The following FAT4 variants were observed in gnomAD, a reference collection of about 807,000 sequenced individuals.
FAT4 encodes the protein FAT atypical cadherin 4.
A neutral mutation model predicts 303.9 loss-of-function variants in FAT4; 84 were observed. The observed-to-expected ratio is 0.28, with a 90% confidence interval of 0.23 to 0.33. The LOEUF (loss-of-function observed/expected upper bound fraction) is 0.33, where lower values mean the gene tolerates loss of function less well. FAT4 is among the 10% of genes least tolerant of loss of function. The probability of loss-of-function intolerance (pLI) is 1.00; values close to 1 mark genes in which losing one functional copy is unlikely to be tolerated. For synonymous variants in FAT4, 2,307 were observed against 2,298.8 expected, an observed-to-expected ratio of 1.00 and a Z score of -0.10; for missense variants, 6,005 against 6,146.8, an observed-to-expected ratio of 0.98 and a Z score of 0.77.
In FAT4 at chr4:125,450,472, T is replaced by C; in HGVS notation, c.9462T>C (p.Leu3154=). The C allele has an allele frequency of 6.2e-7, 1 of 1,614,118 alleles. No individual in the cohort carries two copies. The highest frequency in any genetic ancestry group is 8.5e-7 in the Non-Finnish European group (1 of 1,180,000). ...STGILTLAKA[L]DYELCQKHEM... is the part of the protein sequence containing the mutation. ...GTATATTAACACTAGCCAAAGCTCT[T>C]GATTATGAGCTATGCCAGAAACACG... is the stretch of plus-strand genomic sequence containing the variant. Residue 3154 remains leucine (L), a synonymous_variant, in exon 10 of 18, where the codon CTT becomes CTC. Coordinates refer to ENST00000394329, the MANE Select transcript of FAT4 (RefSeq NM_001291303.3).
At chr4:125,486,274 T>TA (rs1222594061) in intron 16 of FAT4, among the ~76,000 whole-genome samples, 1 of 151,974 alleles carries the variant, frequency 6.6e-6, no homozygotes, top group African/African-American at 2.4e-5. Context: ...TTTTTTTTTT[T>TA]AGTTTGGTAC....
intron 5 of FAT4, among the ~76,000 whole-genome samples, chr4:125,410,793 A>C (rs1734810082): frequency 6.6e-6 from 1 of 152,152 alleles, no homozygotes; most frequent in South Asian, 2.1e-4. Flanking sequence ...TAAGCACAGA[A>C]ATACATTGAC....
intron 2 of FAT4, among the ~76,000 whole-genome samples, chr4:125,367,949 C>T (rs1048105063): frequency 5.9e-5 from 9 of 152,248 alleles, no homozygotes; most frequent in Non-Finnish European, 1.2e-4. Context: ...AGGGAAAAGG[C>T]AATTTCCTAC....
rs772779154 is a variant in FAT4, at chr4:125,489,996, C to A, written c.13180C>A (p.Pro4394Thr). Residue 4394 changes from proline to threonine, a missense_variant, in exon 18 of 18, where the codon CCC becomes ACC. By Grantham distance (38) the Pro-to-Thr change is conservative. Transcript: ENST00000394329. ...CTTGGCCTCCATCTCAAAAACAGAT[C>A]CCTCAGTGAAGATTGGCTGCCGTGG... Reference protein sequence around the residue: ...HSLASISKTDPSVKIGCRGPN... With the variant: ...HSLASISKTDTSVKIGCRGPN... 2.5e-6 allele frequency: 4 copies of A among 1,613,942 alleles called. No individual in the cohort carries two copies. The African/African-American group carries it at 5.3e-5, about 22-fold the overall frequency.
At chr4:125,421,383 A>G (rs1423606279) in intron 7 of FAT4, among the ~76,000 whole-genome samples, 1 of 152,216 alleles carries the variant, frequency 6.6e-6, no homozygotes, top group Non-Finnish European at 1.5e-5. Context: ...CTTAATATGA[A>G]AAATTTGCTT....
intron 5 of FAT4, among the ~76,000 whole-genome samples, chr4:125,411,737 T>TA (rs1734851951): frequency 7.5e-6 from 1 of 132,634 alleles, no homozygotes; most frequent in Non-Finnish European, 1.7e-5. Flanking sequence ...TTTATATATA[T>TA]TTTTATATAT....
At chr4:125,414,686 C>T (rs1292672207) in intron 5 of FAT4, among the ~76,000 whole-genome samples, 198 bp from the exon 6 acceptor site, 1 of 152,072 alleles carries the variant, frequency 6.6e-6, no homozygotes, top group Non-Finnish European at 1.5e-5. Flanking sequence ...TTTTTCTCCT[C>T]TTTACTTTTG....
At chr4:125,376,840 A>G (rs1424700503) in intron 2 of FAT4, among the ~76,000 whole-genome samples, 3 of 152,130 alleles carry the variant, frequency 2.0e-5, no homozygotes, top group Non-Finnish European at 4.4e-5. Context: ...AGCCGAGATC[A>G]TGCCATTGCA....
chr4:125,454,698 T>G (rs1255024619), intron 10 of FAT4, among the ~76,000 whole-genome samples: 1 of 152,108 alleles, frequency 6.6e-6, no homozygotes, highest in African/African-American at 2.4e-5. Flanking sequence ...CTGGGCGTGG[T>G]GGCAGGTGCC....
intron 17 of FAT4, among the ~76,000 whole-genome samples, chr4:125,488,396 G>T (rs946447374): frequency 1.3e-5 from 2 of 152,146 alleles, no homozygotes; most frequent in African/African-American, 4.8e-5. Flanking sequence ...GATCATTCAG[G>T]CTACAGCATG....
chr4:125,318,782 C>T lies in FAT4; in HGVS notation c.2371C>T (p.Pro791Ser). The T allele has an allele frequency of 6.2e-7, 1 of 1,614,148 alleles. No homozygotes were observed. The highest frequency in any genetic ancestry group is 8.5e-7 in the Non-Finnish European group (1 of 1,180,020). ...TGTATTGGACACTCAAGACAACCCA[C>T]CTGTATTCAGTCAGGTTGCCTACAG... is the stretch of plus-strand genomic sequence containing the variant. ...ITVLDTQDNPPVFSQVAYSFV... is the reference protein window; with the variant it reads ...ITVLDTQDNPSVFSQVAYSFV... The change falls in exon 2 of 18, where the codon CCT becomes TCT. Residue 791 changes from proline (P) to serine (S), a missense_variant. Physicochemically the swap from Pro to Ser is moderately conservative, Grantham distance 74 (BLOSUM62 -1). Coordinates refer to ENST00000394329, the MANE Select transcript of FAT4 (RefSeq NM_001291303.3).
rs1341932028 is a variant in FAT4, at chr4:125,440,602, T to TGAGAGAGAGA, written c.7200-5690_7200-5689insAGAGAGAGAG. 1.9e-4 allele frequency among the ~76,000 whole-genome samples: 11 copies of TGAGAGAGAGA among 57,330 alleles called. No homozygotes were observed. The East Asian group carries it at 5.4e-3, about 28-fold the overall frequency. 37.6% of individuals were successfully genotyped at this position (57,330 alleles called of 152,430 possible). Reference sequence around the variant, plus strand: ...GTACTTGTGTGTGTGTGTGTGTGTGTGTGTGTGTGAGAGAGAGAGAGAGAG... The same window carrying TGAGAGAGAGA: ...GTACTTGTGTGTGTGTGTGTGTGTGTGAGAGAGAGAGTGTGTGTGAGAGAGAGAGAGAGAG... On this transcript the variant is annotated intron_variant, in intron 8 of 17. Coordinates refer to ENST00000394329, the MANE Select transcript of FAT4 (RefSeq NM_001291303.3).
In FAT4 at chr4:125,448,500, T is replaced by C; in HGVS notation, c.7490T>C (p.Ile2497Thr). The C allele has an allele frequency of 6.2e-7, 1 of 1,612,266 alleles. No homozygotes were observed. The highest frequency in any genetic ancestry group is 8.5e-7 in the Non-Finnish European group (1 of 1,178,800). Residue 2497 changes from isoleucine to threonine, a missense_variant, in exon 10 of 18, where the codon ATT (isoleucine) becomes ACT (threonine). By Grantham distance (89) the Ile-to-Thr change is moderately conservative. Coordinates refer to ENST00000394329, the MANE Select transcript of FAT4 (RefSeq NM_001291303.3). ...GCGGTTACAGTCACAGATGCTGATA[T>C]TGGACCAAATTCTGAACTGCATTAT... ...VFAVTVTDAD[I>T]GPNSELHYSL... is the part of the protein sequence containing the mutation.
chr4:125,411,073 T>A (rs1233675967), intron 5 of FAT4, among the ~76,000 whole-genome samples: 1 of 152,036 alleles, frequency 6.6e-6, no homozygotes, highest in Non-Finnish European at 1.5e-5. Flanking sequence ...AGTCAGACAT[T>A]TTTTAAAAAT....
intron 2 of FAT4, among the ~76,000 whole-genome samples, chr4:125,372,363 C>CAA (rs200201646): frequency 1.3e-3 from 111 of 86,266 alleles, no homozygotes; most frequent in Middle Eastern, 8.3e-3. Flanking sequence ...GACCCTGTTT[C>CAA]AAAAAAAAAA....
chr4:125,481,562 C>T lies in FAT4; in HGVS notation c.12646C>T (p.Arg4216Cys), dbSNP rs769772147. 2.5e-5 allele frequency: 41 copies of T among 1,613,884 alleles called. No individual in the cohort carries two copies. The highest frequency in any genetic ancestry group is 3.3e-5 in the Non-Finnish European group (39 of 1,179,948). ...DTALSLEGKG[R>C]LDYHMSQNEK... is the part of the protein sequence containing the mutation. ...TGCCTTATCATTAGAAGGCAAAGGG[C>T]GCTTGGACTACCACATGAGTCAGAA... Residue 4216 changes from arginine to cysteine, a missense_variant, in exon 16 of 18, where the codon CGC becomes TGC. Physicochemically the swap from Arg to Cys is radical, Grantham distance 180 (BLOSUM62 -3). Coordinates refer to ENST00000394329, the MANE Select transcript of FAT4 (RefSeq NM_001291303.3).
intron 2 of FAT4, among the ~76,000 whole-genome samples, chr4:125,360,376 C>G (rs757848121): frequency 8.5e-5 from 13 of 152,124 alleles, no homozygotes; most frequent in Non-Finnish European, 1.8e-4. Flanking sequence ...ATTTTCATCA[C>G]GTTTCCCACA....
intron 2 of FAT4, among the ~76,000 whole-genome samples, chr4:125,355,361 C>A (rs1056957795): frequency 1.3e-5 from 2 of 152,008 alleles, no homozygotes; most frequent in East Asian, 1.9e-4. Context: ...AAAACAAATT[C>A]TTTTGATCCA....
intron 2 of FAT4, among the ~76,000 whole-genome samples, chr4:125,398,050 TAC>T (rs1734248274): frequency 6.6e-6 from 1 of 152,136 alleles, no homozygotes; most frequent in Non-Finnish European, 1.5e-5. Flanking sequence ...AAAGAGAAAA[TAC>T]AGAGTTTGAA....
Sources: gnomAD v4.1 joint callset for allele counts (sites outside exome capture counted in the v4.1 genomes callset) on GRCh38, gnomAD v4.1.1 for gene constraint, MANE v1.5 for transcripts, NCBI Gene and HGNC (gene_info 2026-07-23, HGNC 2026-07-21) for gene names.